Variants in LAMA2 observed in about 807,000 individuals in gnomAD.
The protein encoded by LAMA2 is laminin subunit alpha-2.
Under a neutral mutation model 364.8 loss-of-function variants are expected in LAMA2, and 269 were observed. That is an observed-to-expected ratio of 0.74 (90% CI 0.67 to 0.82). LAMA2 has a LOEUF of 0.82. Among genes scored for constraint, LAMA2 ranks in the 40% least tolerant of loss-of-function variants. The probability of loss-of-function intolerance (pLI) is 0.00; values close to 1 mark genes in which losing one functional copy is unlikely to be tolerated. For missense variants in LAMA2, 3,807 were observed against 3,873.2 expected (o/e 0.98, Z 0.45); for synonymous variants, 1,379 against 1,370.6 (o/e 1.01, Z -0.14).
chr6:128,975,148 G>A lies in LAMA2; in HGVS notation c.113-74770G>A, dbSNP rs368714412. ...ATTACAGGCCTGAGCCATCGCGCCT[G>A]GCCATGAGTAACAATTTTTAAAATA... On this transcript the variant is annotated intron_variant, in intron 1 of 64. Transcript: ENST00000421865. 3.0e-4 allele frequency among the ~76,000 whole-genome samples: 46 copies of A among 152,146 alleles called. No homozygotes were observed. The East Asian group carries it at 8.1e-3, about 27-fold the overall frequency.
intron 1 of LAMA2, among the ~76,000 whole-genome samples, chr6:128,898,824 C>T (rs1474758393): frequency 6.6e-6 from 1 of 152,142 alleles, no homozygotes; most frequent in East Asian, 1.9e-4. Flanking sequence ...TCAAATTATT[C>T]TCTTTTTCTG....
At chr6:128,935,823 AT>A (rs2114527916) in intron 1 of LAMA2, among the ~76,000 whole-genome samples, 1 of 152,224 alleles carries the variant, frequency 6.6e-6, no homozygotes, top group East Asian at 1.9e-4. Flanking sequence ...TCATAGTACT[AT>A]GTTGATTGGG....
chr6:129,371,643 G>C lies in LAMA2; in HGVS notation c.4959+1653G>C, dbSNP rs1228127469. 1.9e-4 allele frequency among the ~76,000 whole-genome samples: 26 copies of C among 137,690 alleles called. No homozygotes were observed. The East Asian group carries it at 4.0e-3, about 21-fold the overall frequency. The allele number at this position is 137,690 out of a possible 152,430, so 90.3% of individuals were successfully genotyped here. On this transcript the variant is annotated intron_variant, in intron 34 of 64. Transcript: ENST00000421865. ...TTTTTTTGAGACAGAGTCTTGCTCTGTCGCCGAGGCTGGAGTGCAGTGGTG... is the reference window on the plus strand; with the variant it reads ...TTTTTTTGAGACAGAGTCTTGCTCTCTCGCCGAGGCTGGAGTGCAGTGGTG...
intron 1 of LAMA2, among the ~76,000 whole-genome samples, chr6:128,921,713 T>TTTTTTTTTTTTTTA (rs1328311348): frequency 6.9e-6 from 1 of 144,834 alleles, no homozygotes; most frequent in African/African-American, 2.6e-5. Flanking sequence ...TTTTTTTTTT[T>TTTTTTTTTTTTTTA]ATTATTATTA....
intron 3 of LAMA2, among the ~76,000 whole-genome samples, chr6:129,096,716 G>A (rs1238403600): frequency 6.6e-6 from 1 of 152,154 alleles, no homozygotes; most frequent in Non-Finnish European, 1.5e-5. Flanking sequence ...TTGTCAACAA[G>A]TACAGAAGCA....
chr6:129,018,499 C>CA lies in LAMA2; in HGVS notation c.113-31413dup, dbSNP rs573857885. On this transcript the variant is annotated intron_variant, in intron 1 of 64. Transcript: ENST00000421865. ...GGTTTCTTCAATAAATATGTAAGTA[C>CA]AAAAAAGTTAAATTGTATTAAGAAA... 2.8e-3 allele frequency among the ~76,000 whole-genome samples: 389 copies of CA among 140,908 alleles called. 2 individuals are homozygous for CA. The highest frequency in any genetic ancestry group is 9.8e-3 in the African/African-American group (372 of 38,028). The allele number at this position is 140,908 out of a possible 152,430, so 92.4% of individuals were successfully genotyped here. A position where few individuals can be genotyped will look rare whatever the true frequency, so the allele number is the denominator to read the frequency against.
chr6:129,393,258 G>A lies in LAMA2; in HGVS notation c.5445+3G>A. 6.2e-7 allele frequency: 1 copy of A among 1,606,372 alleles called. No homozygotes were observed. Among genetic ancestry groups the A allele is most frequent in the Non-Finnish European group, 8.5e-7 (1 of 1,173,072 alleles). On this transcript the variant is annotated splice_donor_region_variant and intron_variant, in intron 37 of 64. Transcript: ENST00000421865. Reference sequence around the variant, plus strand: ...AGAAAAACATGACTGCATTGGAGGTGAGTCTTAGGGGCACTTTTATCTTAA... The same window carrying A: ...AGAAAAACATGACTGCATTGGAGGTAAGTCTTAGGGGCACTTTTATCTTAA...
chr6:128,903,559 T>C (rs1342724170), intron 1 of LAMA2, among the ~76,000 whole-genome samples: 1 of 152,186 alleles, frequency 6.6e-6, no homozygotes, highest in Non-Finnish European at 1.5e-5. Context: ...ATACAACTTA[T>C]GGATTATAAA....
chr6:129,008,693 G>A lies in LAMA2; in HGVS notation c.113-41225G>A, dbSNP rs187658943. Among the ~76,000 whole-genome samples, 14 of 152,202 alleles carry A rather than the reference G, an allele frequency of 9.2e-5. No individual in the cohort carries two copies. The East Asian group carries it at 2.5e-3, about 27-fold the overall frequency. On this transcript the variant is annotated intron_variant, in intron 1 of 64. Coordinates refer to ENST00000421865, the MANE Select transcript of LAMA2 (RefSeq NM_000426.4). ...TAAAGGGATGTTAACCAAAATTAATGTTCAAGAATCCTTTCAGTGTTTCTC... is the reference window on the plus strand; with the variant it reads ...TAAAGGGATGTTAACCAAAATTAATATTCAAGAATCCTTTCAGTGTTTCTC...
intron 40 of LAMA2, among the ~76,000 whole-genome samples, chr6:129,427,197 C>T (rs548093140): frequency 2.6e-5 from 4 of 152,060 alleles, no homozygotes; most frequent in Non-Finnish European, 5.9e-5. Context: ...TGTGTTTTGC[C>T]ATACCGCTTT....
intron 3 of LAMA2, among the ~76,000 whole-genome samples, chr6:129,067,752 C>T (rs554056835): frequency 3.3e-5 from 5 of 152,326 alleles, no homozygotes; most frequent in African/African-American, 1.2e-4. Context: ...ATGTCTTGAA[C>T]ACTCACACCT....
At chr6:129,074,566 T>C (rs560853316) in intron 3 of LAMA2, among the ~76,000 whole-genome samples, 25 of 152,300 alleles carry the variant, frequency 1.6e-4, no homozygotes, top group Admixed American at 4.6e-4. Context: ...CAAACTGCTG[T>C]TTTTAGTATT....
rs548789042 is a variant in LAMA2, at chr6:129,473,800, A to T, written c.7439+448A>T. 2.6e-5 allele frequency among the ~76,000 whole-genome samples: 4 copies of T among 152,144 alleles called. No homozygotes were observed. In the South Asian group the frequency reaches 8.3e-4, roughly 32 times the overall value. Reference sequence around the variant, plus strand: ...CATAATGGCGTGTTGGAGCTTTCCCATATGCCTAATACAAGAACTATATTA... The same window carrying T: ...CATAATGGCGTGTTGGAGCTTTCCCTTATGCCTAATACAAGAACTATATTA... On this transcript the variant is annotated intron_variant, in intron 52 of 64. Coordinates refer to ENST00000421865, the MANE Select transcript of LAMA2 (RefSeq NM_000426.4).
At chr6:129,141,512 G>A (rs1439823145) in intron 4 of LAMA2, among the ~76,000 whole-genome samples, 1 of 151,966 alleles carries the variant, frequency 6.6e-6, no homozygotes, top group Non-Finnish European at 1.5e-5. Flanking sequence ...TTTTTATCAT[G>A]AGGCATTTTG....
intron 12 of LAMA2, among the ~76,000 whole-genome samples, chr6:129,212,438 G>A (rs768123410): frequency 6.6e-6 from 1 of 151,802 alleles, no homozygotes; most frequent in Non-Finnish European, 1.5e-5. Flanking sequence ...TAAACCGGAT[G>A]TTTTTTTTAA....
At chr6:129,203,553 GA>G (rs1049787937) in intron 12 of LAMA2, among the ~76,000 whole-genome samples, 3 of 152,210 alleles carry the variant, frequency 2.0e-5, no homozygotes, top group Non-Finnish European at 2.9e-5. Context: ...ACAAGCTAAG[GA>G]GAGAGGGCTG....
chr6:129,508,739 T>C (rs914462392), intron 62 of LAMA2, among the ~76,000 whole-genome samples: 1 of 152,224 alleles, frequency 6.6e-6, no homozygotes, highest in African/African-American at 2.4e-5. Context: ...AGTATGTATA[T>C]GTACCACACT....
intron 14 of LAMA2, among the ~76,000 whole-genome samples, chr6:129,253,269 C>T (rs183373271): frequency 6.6e-6 from 1 of 152,310 alleles, no homozygotes; most frequent in East Asian, 1.9e-4. Flanking sequence ...TTAAGTTAGA[C>T]ATTCAAATGT....
At chr6:129,330,592 G>GT (rs1406358715) in intron 29 of LAMA2, among the ~76,000 whole-genome samples, 46 of 78,520 alleles carry the variant, frequency 5.9e-4, no homozygotes, top group Middle Eastern at 9.6e-3. Context: ...TTGTTGTTTG[G>GT]TTTTTGTTTT....
Sources: gnomAD v4.1 joint callset for allele counts (sites outside exome capture counted in the v4.1 genomes callset) on GRCh38, gnomAD v4.1.1 for gene constraint, MANE v1.5 for transcripts, NCBI Gene and HGNC (gene_info 2026-07-23, HGNC 2026-07-21) for gene names.